The following FRMD1 variants were observed in gnomAD, a reference collection of about 807,000 sequenced individuals.
The protein encoded by FRMD1 is FERM domain-containing protein 1.
A neutral mutation model predicts 54.9 loss-of-function variants in FRMD1; 51 were observed. The ratio of observed to expected loss-of-function variants is 0.93; its 90% CI spans 0.74 to 1.17. The LOEUF (loss-of-function observed/expected upper bound fraction) is 1.17, where lower values mean the gene tolerates loss of function less well. FRMD1 is among the 50% of genes most tolerant of loss of function. The pLI, the probability that FRMD1 is intolerant of heterozygous loss-of-function variation, is 0.00. For synonymous variants in FRMD1, 324 were observed against 306.4 expected, an observed-to-expected ratio of 1.06 and a Z score of -0.60; for missense variants, 729 against 743.0, an observed-to-expected ratio of 0.98 and a Z score of 0.22.
At chr6:168,058,027 G>A (rs1799503856) in intron 10 of FRMD1, among the ~76,000 whole-genome samples, 2 of 152,230 alleles carry the variant, frequency 1.3e-5, no homozygotes, top group South Asian at 2.1e-4. Flanking sequence ...GAGCTCAGGC[G>A]GCTTCGGGCA....
Position 168,067,360 on chromosome 6 carries a change from CACTT to C in FRMD1, c.384+3_384+6del. On this transcript the variant is annotated splice_donor_5th_base_variant and intron_variant, in intron 3 of 10. Transcript: ENST00000283309. ...CTGCCCTCTCCCACCCGACACTCTA[CACTT>C]ACTTCATTTCTTTCTTTCTTCCAAT... is the stretch of plus-strand genomic sequence containing the variant. 6.3e-6 allele frequency: 10 copies of C among 1,581,328 alleles called. No individual in the cohort carries two copies. The African/African-American group carries it at 9.4e-5, about 15-fold the overall frequency.
rs1799937871 is a variant in FRMD1 at position 168,064,732 on chromosome 6, AT to A, written c.648+138del. 6.4e-6 allele frequency: 9 copies of A among 1,416,232 alleles called. No individual in the cohort carries two copies. In the East Asian group the frequency reaches 2.3e-4, roughly 36 times the overall value. The allele number at this position is 1,416,232 out of a possible 1,614,324, so 87.7% of individuals were successfully genotyped here. The stretch of plus-strand genomic sequence containing the variant: ...GGCCTTCAGGACAGAAGGACAGGTG[AT>A]TGCCCTGTTTCCATCCCTGACCCTT... On this transcript the variant is annotated intron_variant, in intron 5 of 10. Transcript: ENST00000283309.
chr6:168,058,268 C>G (rs1404564103), intron 10 of FRMD1, among the ~76,000 whole-genome samples: 2 of 130,842 alleles, frequency 1.5e-5, no homozygotes, highest in South Asian at 2.6e-4. Context: ...CTCTCTCCAT[C>G]CAGCCTCCCG....
chr6:168,077,279 G>A (rs1448481256), intron 1 of FRMD1, among the ~76,000 whole-genome samples: 1 of 109,392 alleles, frequency 9.1e-6, no homozygotes, highest in Non-Finnish European at 2.3e-5. Flanking sequence ...CACACACTCC[G>A]ATGGGGGGGG....
rs376343646 is a variant in FRMD1, at chr6:168,079,108, G to A, written c.-14C>T. 700 of 1,582,898 alleles carry A rather than the reference G, an allele frequency of 4.4e-4. 7 individuals carry two copies. The South Asian group carries it at 6.4e-3, about 14-fold the overall frequency. On this transcript the variant is annotated 5_prime_UTR_variant, in exon 1 of 11. It introduces an in-frame stop codon into an upstream open reading frame of the 5' UTR. Coordinates refer to ENST00000283309, the MANE Select transcript of FRMD1 (RefSeq NM_024919.6). ...GGGCACCGCCATGCTGTCGTTACTCGGCCCTCCCCCGCCATGGGTCGCAGG... is the reference window on the plus strand; with the variant it reads ...GGGCACCGCCATGCTGTCGTTACTCAGCCCTCCCCCGCCATGGGTCGCAGG...
rs1799619732 is a variant in FRMD1, at chr6:168,059,792, G to A, written c.1343-604C>T. Among the ~76,000 whole-genome samples, 1 of 152,022 alleles carries A rather than the reference G, an allele frequency of 6.6e-6. No individual in the cohort carries two copies. The highest frequency in any genetic ancestry group is 2.1e-4 in the South Asian group (1 of 4,818). On this transcript the variant is annotated intron_variant, in intron 9 of 10. Transcript: ENST00000283309. The surrounding 1 kb of genome is among the most constrained non-coding windows in gnomAD (Gnocchi z 4.4). ...CCTCAGGACAGGGTGCTGCATCCTG[G>A]GCCAGGTGCACACACAGTCCTACAC...
intron 5 of FRMD1, 90 bp downstream of exon 5, chr6:168,064,781 C>A: frequency 1.4e-6 from 2 of 1,481,226 alleles, no homozygotes; most frequent in South Asian, 1.4e-5. Flanking sequence ...CCTGCCAGGC[C>A]CTCAGTCCCC....
At chr6:168,079,219 G>A, upstream of FRMD1, 2 of 1,422,938 alleles carry the variant, frequency 1.4e-6, no homozygotes, top group South Asian at 1.5e-5. Context: ...AATTGAGAGG[G>A]AAGCCTGGGC....
chr6:168,089,331 G>C (rs1235565824), intron 1 of FRMD1, among the ~76,000 whole-genome samples: 1 of 152,214 alleles, frequency 6.6e-6, no homozygotes, highest in African/African-American at 2.4e-5. Context: ...GTGGTTTTTA[G>C]AGAACGTTTT....
Position 168,062,881 on chromosome 6 carries a change from C to G in FRMD1, c.870+13G>C. 6.2e-7 allele frequency: 1 copy of G among 1,612,856 alleles called. No homozygotes were observed. The highest frequency in any genetic ancestry group is 8.5e-7 in the Non-Finnish European group (1 of 1,178,938). The stretch of plus-strand genomic sequence containing the variant: ...GACGAGGGGCTCTGTGAGGCTGGAG[C>G]CCCTTCGGTCACCTGGTAGATGTGC... On this transcript the variant is annotated intron_variant, in intron 7 of 10. Transcript: ENST00000283309.
intron 1 of FRMD1, among the ~76,000 whole-genome samples, chr6:168,087,637 G>A (rs920595234): frequency 2.0e-5 from 3 of 152,208 alleles, no homozygotes; most frequent in African/African-American, 4.8e-5. Flanking sequence ...CAATGCGTGC[G>A]CTGGCATGTG....
chr6:168,065,027 G>A lies in FRMD1; in HGVS notation c.492C>T (p.Cys164=). Residue 164 remains cysteine (C), a synonymous_variant, in exon 5 of 11, where the codon TGC becomes TGT. Transcript: ENST00000283309. ...SDHRARHLYY[C]HLKERVLRSQ... ...ACCTCAGCACGCGCTCCTTCAAGTG[G>A]CAGTAGTACAGGTGCCGTGCCCTGT... 1 of 1,610,522 alleles carries A rather than the reference G, an allele frequency of 6.2e-7. No homozygotes were observed. The highest frequency in any genetic ancestry group is 1.7e-4 in the Middle Eastern group (1 of 6,046).
At chr6:168,082,022 C>T (rs927847069), upstream of FRMD1, among the ~76,000 whole-genome samples, 2 of 152,224 alleles carry the variant, frequency 1.3e-5, no homozygotes, top group Admixed American at 6.5e-5. Flanking sequence ...TCAACCCATT[C>T]CACCATGTGG....
At chr6:168,079,303 A>G (rs568981507), upstream of FRMD1, 29 of 932,580 alleles carry the variant, frequency 3.1e-5, no homozygotes, top group Non-Finnish European at 4.2e-5. Context: ...GGCGCCAGGA[A>G]TGCAAATAAA....
chr6:168,078,991 G>A lies in FRMD1; in HGVS notation c.104C>T (p.Pro35Leu). The A allele has an allele frequency of 6.2e-7, 1 of 1,612,434 alleles. No homozygotes were observed. The highest frequency in any genetic ancestry group is 1.1e-5 in the South Asian group (1 of 91,066). ...GGTCGGCTCCTGCTGACTGCATGCAGGCCTCTCAGGACTGGGTTCCATACA... is the reference window on the plus strand; with the variant it reads ...GGTCGGCTCCTGCTGACTGCATGCAAGCCTCTCAGGACTGGGTTCCATACA... ...ARCMEPSPER[P>L]ACSQQEPTLG... is the part of the protein sequence containing the mutation. Residue 35 changes from proline (P) to leucine (L), a missense_variant, in exon 1 of 11, where the codon CCT becomes CTT. Coordinates refer to ENST00000283309, the MANE Select transcript of FRMD1 (RefSeq NM_024919.6).
intron 7 of FRMD1, 44 bp from the exon 8 acceptor site, chr6:168,062,025 C>T (rs989598284): frequency 3.2e-6 from 5 of 1,541,124 alleles, no homozygotes; most frequent in Non-Finnish European, 3.5e-6. Flanking sequence ...GGTGGAAAAC[C>T]ACGCTAGCCA....
chr6:168,074,945 A>G (rs1265620848), intron 2 of FRMD1, among the ~76,000 whole-genome samples: 1 of 149,126 alleles, frequency 6.7e-6, no homozygotes, highest in Admixed American at 6.7e-5. Flanking sequence ...GTGTAACTGC[A>G]CGTGTGTGGC....
At chr6:168,080,874 GGT>G (rs1437878490), upstream of FRMD1, among the ~76,000 whole-genome samples, 1 of 151,538 alleles carries the variant, frequency 6.6e-6, no homozygotes, top group Non-Finnish European at 1.5e-5. Context: ...TGCGGGTGCT[GGT>G]GTGTGTGGGC....
At position 168,055,896 on chromosome 6, in the gene FRMD1, A is replaced by C. The variant is rs1168664504; in HGVS notation, c.*1201T>G. 2 of 152,280 alleles carry C rather than the reference A, an allele frequency of 1.3e-5. No individual in the cohort carries two copies. Among genetic ancestry groups the C allele is most frequent in the Non-Finnish European group, 2.9e-5 (2 of 68,082 alleles). 9.4% of individuals were successfully genotyped at this position (152,280 alleles called of 1,614,324 possible). On this transcript the variant is annotated 3_prime_UTR_variant, in exon 11 of 11. Coordinates refer to ENST00000283309, the MANE Select transcript of FRMD1 (RefSeq NM_024919.6). ...GAGGGTCCCCCTGGATGGACCCGTC[A>C]AAGAGGCGGCCTCAATGCACGCAGC...
Sources: allele counts gnomAD v4.1 joint callset (sites outside exome capture counted in the v4.1 genomes callset), GRCh38; gene constraint gnomAD v4.1.1; non-coding constraint Gnocchi (gnomAD v3.1); transcripts MANE v1.5; gene names NCBI Gene and HGNC (gene_info 2026-07-23, HGNC 2026-07-21).